Variants in CIAO1 observed in about 807,000 individuals in gnomAD.
CIAO1 encodes the protein probable cytosolic iron-sulfur protein assembly protein CIAO1.
Under a neutral mutation model 43.1 loss-of-function variants are expected in CIAO1, and 32 were observed. The observed-to-expected ratio is 0.74, with a 90% CI of 0.56 to 1.00. The LOEUF (loss-of-function observed/expected upper bound fraction) is 1.00, where lower values mean the gene tolerates loss of function less well. Ranked by LOEUF, CIAO1 falls within the 50% of genes least tolerant of loss-of-function variation. The pLI is 0.00. For missense variants in CIAO1, 415 were observed against 437.4 expected, an observed-to-expected ratio of 0.95 and a Z score of 0.46; for synonymous variants, 183 against 171.4, an observed-to-expected ratio of 1.07 and a Z score of -0.53.
At chr2:96,269,944 A>G (rs910275262) in intron 6 of CIAO1, among the ~76,000 whole-genome samples, 1 of 151,842 alleles carries the variant, frequency 6.6e-6, no homozygotes, top group Admixed American at 6.6e-5. Flanking sequence ...CGCACCTGGC[A>G]GTGGCTGGGG....
intron 6 of CIAO1, among the ~76,000 whole-genome samples, chr2:96,269,558 C>T (rs189292189): frequency 2.8e-4 from 42 of 152,350 alleles, no homozygotes; most frequent in African/African-American, 8.7e-4. Context: ...CAGTCCCAGG[C>T]TGTGAGGGTA....
chr2:96,270,672 T>C (rs1272371389), intron 6 of CIAO1, among the ~76,000 whole-genome samples: 1 of 149,018 alleles, frequency 6.7e-6, no homozygotes, highest in African/African-American at 2.5e-5. Flanking sequence ...TAGCCGGGCA[T>C]GGTGGCACAT....
At chr2:96,267,175 T>A in intron 1 of CIAO1, 146 bp from the exon 2 acceptor site, 1 of 394,990 alleles carries the variant, frequency 2.5e-6, no homozygotes, top group Non-Finnish European at 4.3e-6. Context: ...CCAGACGAAG[T>A]AGATTCATTT....
chr2:96,266,298 C>T lies in CIAO1; in HGVS notation c.-53C>T. On this transcript the variant is annotated 5_prime_UTR_variant, in exon 1 of 7. Coordinates refer to ENST00000488633, the MANE Select transcript of CIAO1 (RefSeq NM_004804.3). Reference sequence around the variant, plus strand: ...ACGCAGACGCGCGCGGTGAGACCCGCTGTCTGCTCAGCGGACTCTGCCCGC... The same window carrying T: ...ACGCAGACGCGCGCGGTGAGACCCGTTGTCTGCTCAGCGGACTCTGCCCGC... The T allele has an allele frequency of 1.5e-6, 2 of 1,333,344 alleles. No homozygotes were observed. 82.6% of individuals were successfully genotyped at this position (1,333,344 alleles called of 1,614,324 possible). A position where few individuals can be genotyped will look rare whatever the true frequency, so the allele number is the denominator to read the frequency against.
rs1363296456 is a variant in CIAO1 at position 96,271,654 on chromosome 2, GA to G, written c.*304del. 1.2e-5 allele frequency: 3 copies of G among 244,432 alleles called. No homozygotes were observed. Among genetic ancestry groups the G allele is most frequent in the African/African-American group, 6.7e-5 (3 of 44,564 alleles). The allele number at this position is 244,432 out of a possible 1,614,324, so 15.1% of individuals were successfully genotyped here. A position where few individuals can be genotyped will look rare whatever the true frequency, so the allele number is the denominator to read the frequency against. Reference sequence around the variant, plus strand: ...TATTTATAATCACTATATATAGTAGGAGGGGGTATGTGTCTCAGGCTTTTCT... The same window carrying G: ...TATTTATAATCACTATATATAGTAGGGGGGGTATGTGTCTCAGGCTTTTCT... On this transcript the variant is annotated 3_prime_UTR_variant, in exon 7 of 7. Transcript: ENST00000488633.
intron 4 of CIAO1, 184 bp downstream of exon 4, chr2:96,268,108 C>G (rs1248912697): frequency 2.2e-5 from 14 of 632,334 alleles, no homozygotes. Context: ...AATCTCAGCA[C>G]TTTGGGAGGC....
rs2104324691 is a variant in CIAO1 at position 96,273,982 on chromosome 2, G to A, written c.*2631G>A. On this transcript the variant is annotated 3_prime_UTR_variant, in exon 7 of 7. Coordinates refer to ENST00000488633, the MANE Select transcript of CIAO1 (RefSeq NM_004804.3). Reference sequence around the variant, plus strand: ...CCAGCACTCTGGGAGGCTGAGGTGGGCGGATCACTTGAGCTCAGGAATTCA... The same window carrying A: ...CCAGCACTCTGGGAGGCTGAGGTGGACGGATCACTTGAGCTCAGGAATTCA... Among the ~76,000 whole-genome samples the A allele has an allele frequency of 1.3e-5, 2 of 152,060 alleles. No individual in the cohort carries two copies. Among genetic ancestry groups the A allele is most frequent in the South Asian group, 4.2e-4 (2 of 4,816 alleles).
intron 1 of CIAO1, 59 bp from the exon 2 acceptor site, chr2:96,267,262 T>A: frequency 6.5e-7 from 1 of 1,541,358 alleles, no homozygotes; most frequent in Admixed American, 2.0e-5. Context: ...GCCCCTGATA[T>A]TGAATGGCTT....
intron 6 of CIAO1, among the ~76,000 whole-genome samples, chr2:96,270,666 C>T (rs139159436): frequency 0.016 from 2,387 of 150,372 alleles, 68 homozygotes; most frequent in African/African-American, 0.055. Context: ...AAAAATTAGC[C>T]GGGCATGGTG....
In CIAO1 at chr2:96,266,464, G is replaced by A. The variant is rs1008656555; in HGVS notation, c.114G>A (p.Arg38=). The change falls in exon 1 of 7, where the codon CGG becomes CGA. Residue 38 remains arginine (R), a synonymous_variant. Coordinates refer to ENST00000488633, the MANE Select transcript of CIAO1 (RefSeq NM_004804.3). ...TGCTGGCCTCGTGCGGCGGCGACCG[G>A]AGAATCCGCATCTGGGGCACGGAGG... ...GTLLASCGGD[R]RIRIWGTEGD... is the part of the protein sequence containing the mutation. 6.5e-7 allele frequency: 1 copy of A among 1,550,072 alleles called. No homozygotes were observed.
At position 96,269,328 on chromosome 2, in the gene CIAO1, A is replaced by G. The variant is rs748223775; in HGVS notation, c.752A>G (p.His251Arg). The change falls in exon 6 of 7, where the codon CAC (histidine) becomes CGC (arginine). Residue 251 changes from histidine (H) to arginine (R), a missense_variant. Physicochemically the swap from His to Arg is conservative, Grantham distance 29. Transcript: ENST00000488633. ...WKCICTLSGF[H>R]SRTIYDIAWC... ...TGTATCTGTACTTTGTCCGGCTTCC[A>G]CTCAAGGACCATTTATGACATTGCT... 4 of 1,614,096 alleles carry G rather than the reference A, an allele frequency of 2.5e-6. No homozygotes were observed. Among genetic ancestry groups the G allele is most frequent in the Non-Finnish European group, 3.4e-6 (4 of 1,180,004 alleles).
chr2:96,266,263 A>G lies in CIAO1; in HGVS notation c.-88A>G. On this transcript the variant is annotated 5_prime_UTR_variant, in exon 1 of 7. Coordinates refer to ENST00000488633, the MANE Select transcript of CIAO1 (RefSeq NM_004804.3). ...GCCTCTGTCGGCCGCGGAAGCCTGGAGTGGGCGGTACGCAGACGCGCGCGG... is the reference window on the plus strand; with the variant it reads ...GCCTCTGTCGGCCGCGGAAGCCTGGGGTGGGCGGTACGCAGACGCGCGCGG... The G allele has an allele frequency of 5.5e-6, 7 of 1,261,328 alleles. No individual in the cohort carries two copies. The South Asian group carries it at 1.2e-4, about 22-fold the overall frequency. The allele number at this position is 1,261,328 out of a possible 1,614,324, so 78.1% of individuals were successfully genotyped here. A position where few individuals can be genotyped will look rare whatever the true frequency, so the allele number is the denominator to read the frequency against.
In CIAO1 at chr2:96,266,379, G is replaced by A. The variant is rs903722571; in HGVS notation, c.29G>A (p.Arg10His). 1.1e-5 allele frequency: 17 copies of A among 1,507,758 alleles called. No individual in the cohort carries two copies. The highest frequency in any genetic ancestry group is 2.6e-5 in the East Asian group (1 of 38,032). 93.4% of individuals were successfully genotyped at this position (1,507,758 alleles called of 1,614,324 possible). Residue 10 changes from arginine to histidine, a missense_variant, in exon 1 of 7, where the codon CGT (arginine) becomes CAT (histidine). By Grantham distance (29) the Arg-to-His change is conservative. Coordinates refer to ENST00000488633, the MANE Select transcript of CIAO1 (RefSeq NM_004804.3). MKDSLVLLG[R>H]VPAHPDSRCW... Reference sequence around the variant, plus strand: ...AAGGACTCGCTGGTGCTGCTGGGCCGTGTCCCGGCGCACCCGGACTCCCGC... The same window carrying A: ...AAGGACTCGCTGGTGCTGCTGGGCCATGTCCCGGCGCACCCGGACTCCCGC...
Position 96,271,637 on chromosome 2 carries a change from A to T in CIAO1, c.*286A>T, listed in dbSNP as rs1410965150. On this transcript the variant is annotated 3_prime_UTR_variant, in exon 7 of 7. Coordinates refer to ENST00000488633, the MANE Select transcript of CIAO1 (RefSeq NM_004804.3). Reference sequence around the variant, plus strand: ...TTTGGAGGTAAATATACTATTTATAATCACTATATATAGTAGGAGGGGGTA... The same window carrying T: ...TTTGGAGGTAAATATACTATTTATATTCACTATATATAGTAGGAGGGGGTA... The T allele has an allele frequency of 1.2e-5, 4 of 335,896 alleles. No homozygotes were observed. Among genetic ancestry groups the T allele is most frequent in the Non-Finnish European group, 2.2e-5 (4 of 179,566 alleles). 20.8% of individuals were successfully genotyped at this position (335,896 alleles called of 1,614,324 possible).
chr2:96,269,299 G>A lies in CIAO1; in HGVS notation c.723G>A (p.Trp241Ter), dbSNP rs778938685. The A allele has an allele frequency of 2.5e-6, 4 of 1,614,074 alleles. No homozygotes were observed. The highest frequency in any genetic ancestry group is 3.4e-6 in the Non-Finnish European group (4 of 1,180,040). Residue 241 changes from tryptophan to a stop codon, truncating the protein, a stop_gained, in exon 6 of 7, where the codon TGG becomes TGA. Coordinates refer to ENST00000488633, the MANE Select transcript of CIAO1 (RefSeq NM_004804.3). LOFTEE classifies it high-confidence loss of function. ...CATGCAGCGGCTCTGACCCCAGTTG[G>A]AAATGTATCTGTACTTTGTCCGGCT... ...GVACSGSDPS[W>*]KCICTLSGFH...
chr2:96,271,072 A>G lies in CIAO1; in HGVS notation c.780-39A>G, dbSNP rs201603533. 5.9e-4 allele frequency: 951 copies of G among 1,611,940 alleles called. 2 individuals carry two copies. The highest frequency in any genetic ancestry group is 7.5e-4 in the Non-Finnish European group (879 of 1,178,438). On this transcript the variant is annotated intron_variant, in intron 6 of 6. Transcript: ENST00000488633. The stretch of plus-strand genomic sequence containing the variant: ...CTATGGAACAGGTCTCTCTGGCCTA[A>G]TTAGTCAGGTATACCCACTGATGTC...
At chr2:96,268,691 ATC>A in intron 5 of CIAO1, 33 bp downstream of exon 5, 1 of 1,607,702 alleles carries the variant, frequency 6.2e-7, no homozygotes, top group Non-Finnish European at 8.5e-7. Context: ...AAGAAGACCC[ATC>A]TCTCAAGGGG....
At position 96,266,558 on chromosome 2, in the gene CIAO1, G is replaced by A. The variant is rs1248850194; in HGVS notation, c.139+69G>A. On this transcript the variant is annotated intron_variant, in intron 1 of 6. Coordinates refer to ENST00000488633, the MANE Select transcript of CIAO1 (RefSeq NM_004804.3). ...AGCCTGCGCGTAGTGCAGGCGCTCA[G>A]CCTGCAGGGGAGGCTGAACCTGTTC... is the stretch of plus-strand genomic sequence containing the variant. 64 of 1,313,210 alleles carry A rather than the reference G, an allele frequency of 4.9e-5. No individual in the cohort carries two copies. In the East Asian group the frequency reaches 1.9e-3, roughly 38 times the overall value. The allele number at this position is 1,313,210 out of a possible 1,614,324, so 81.3% of individuals were successfully genotyped here.
At chr2:96,271,086 C>T in intron 6 of CIAO1, 25 bp from the exon 7 acceptor site, 1 of 1,613,906 alleles carries the variant, frequency 6.2e-7, no homozygotes, top group Non-Finnish European at 8.5e-7. Context: ...GTCAGGTATA[C>T]CCACTGATGT....
Sources: allele counts gnomAD v4.1 joint callset (sites outside exome capture counted in the v4.1 genomes callset), GRCh38; gene constraint gnomAD v4.1.1; transcripts MANE v1.5; gene names NCBI Gene and HGNC (gene_info 2026-07-23, HGNC 2026-07-21).